The following IQCM variants were observed in gnomAD, a reference collection of about 807,000 sequenced individuals.
IQCM encodes the protein IQ motif containing M.
A neutral mutation model predicts 57.6 loss-of-function variants in IQCM; 45 were observed. The observed-to-expected ratio is 0.78, with a 90% CI of 0.62 to 1.00. The LOEUF (loss-of-function observed/expected upper bound fraction) is 1.00, where lower values mean the gene tolerates loss of function less well. IQCM is among the 50% of genes least tolerant of loss of function. The pLI, the probability that IQCM is intolerant of heterozygous loss-of-function variation, is 0.00. For missense variants in IQCM, 468 were observed against 511.6 expected (o/e 0.91, Z 0.82); for synonymous variants, 148 against 158.9 (o/e 0.93, Z 0.51).
In IQCM at chr4:149,505,726, G is replaced by A. The variant is rs138804713; in HGVS notation, c.1228+42729C>T. 2.1e-3 allele frequency among the ~76,000 whole-genome samples: 312 copies of A among 152,146 alleles called. 2 individuals are homozygous for A. Among genetic ancestry groups the A allele is most frequent in the Middle Eastern group, 0.014 (4 of 294 alleles). On this transcript the variant is annotated intron_variant, in intron 12 of 13. Coordinates refer to ENST00000636793, the MANE Select transcript of IQCM (RefSeq NM_001363507.2). ...AAATGCTGTTGTTATTTGTGAATGC[G>A]TTTGTTTTCCTTTTTTCTTTTCTCT...
intron 13 of IQCM, among the ~76,000 whole-genome samples, chr4:149,360,745 C>T (rs1729418284): frequency 1.3e-5 from 2 of 152,126 alleles, no homozygotes. Context: ...CCTGTAAATC[C>T]AATTAAACCT....
intron 5 of IQCM, among the ~76,000 whole-genome samples, chr4:149,687,241 T>C (rs1762609811): frequency 1.3e-5 from 2 of 151,540 alleles, no homozygotes; most frequent in South Asian, 4.1e-4. Context: ...TAGACTGAAT[T>C]ATGTAACGTA....
At chr4:149,554,345 C>A (rs771978352) in intron 10 of IQCM, among the ~76,000 whole-genome samples, 8 of 151,790 alleles carry the variant, frequency 5.3e-5, no homozygotes, top group Non-Finnish European at 7.4e-5. Context: ...GTGTTTTCAT[C>A]CTTTTTTTTT....
At chr4:149,742,628 C>T (rs1230074352) in intron 3 of IQCM, 27 bp downstream of exon 3, 1 of 1,215,920 alleles carries the variant, frequency 8.2e-7, no homozygotes, top group Non-Finnish European at 1.0e-6. Context: ...ATGACTTGTA[C>T]TATGTTAGGT....
intron 2 of IQCM, among the ~76,000 whole-genome samples, chr4:149,812,205 A>C (rs1321058721): frequency 6.6e-6 from 1 of 152,188 alleles, no homozygotes; most frequent in Non-Finnish European, 1.5e-5. Flanking sequence ...TGCTTCTTTT[A>C]ATTTGGAGCC....
At chr4:149,423,646 T>C (rs948764677) in intron 13 of IQCM, among the ~76,000 whole-genome samples, 6 of 152,074 alleles carry the variant, frequency 3.9e-5, no homozygotes, top group African/African-American at 1.4e-4. Context: ...GTGGTTGTTT[T>C]ACATCACTCA....
chr4:149,523,639 C>T (rs999315561), intron 12 of IQCM, among the ~76,000 whole-genome samples: 3 of 152,054 alleles, frequency 2.0e-5, no homozygotes, highest in Admixed American at 2.0e-4. Flanking sequence ...AATAATCATT[C>T]ACTGGAATAT....
intron 9 of IQCM, among the ~76,000 whole-genome samples, chr4:149,572,337 A>G (rs1421944781): frequency 2.0e-5 from 3 of 151,490 alleles, no homozygotes; most frequent in Non-Finnish European, 4.4e-5. Context: ...CCAAGGCTGG[A>G]GTGCAGTGGT....
chr4:149,534,712 T>G (rs1325881939), intron 12 of IQCM, among the ~76,000 whole-genome samples: 2 of 152,110 alleles, frequency 1.3e-5, no homozygotes, highest in Non-Finnish European at 2.9e-5. Flanking sequence ...CTTTTATAAG[T>G]CAGCATGGTT....
At chr4:149,653,108 A>T (rs1346218696) in intron 7 of IQCM, among the ~76,000 whole-genome samples, 1 of 152,204 alleles carries the variant, frequency 6.6e-6, no homozygotes, top group Non-Finnish European at 1.5e-5. Flanking sequence ...AAATCAATAA[A>T]GATCTTAACT....
intron 12 of IQCM, among the ~76,000 whole-genome samples, chr4:149,533,488 C>G (rs1333179980): frequency 6.6e-6 from 1 of 151,924 alleles, no homozygotes; most frequent in African/African-American, 2.4e-5. Context: ...AGTAGATAGC[C>G]TATTTGTATT....
At chr4:149,511,082 C>T (rs1485126413) in intron 12 of IQCM, among the ~76,000 whole-genome samples, 2 of 152,118 alleles carry the variant, frequency 1.3e-5, no homozygotes, top group African/African-American at 2.4e-5. Flanking sequence ...TAAGTTAAGT[C>T]CATAGAGGAT....
chr4:149,433,138 C>T (rs375398280), intron 13 of IQCM, among the ~76,000 whole-genome samples: 10 of 152,070 alleles, frequency 6.6e-5, no homozygotes, highest in East Asian at 3.9e-4. Flanking sequence ...CTGGTAGTAA[C>T]GCAAAAGTGA....
chr4:149,385,487 G>C (rs1384243028), intron 13 of IQCM, among the ~76,000 whole-genome samples: 3 of 152,160 alleles, frequency 2.0e-5, no homozygotes, highest in African/African-American at 7.2e-5. Context: ...AGTAAGTTAT[G>C]CCACTTTTGT....
chr4:149,511,803 G>A lies in IQCM; in HGVS notation c.1228+36652C>T, dbSNP rs140646316. On this transcript the variant is annotated intron_variant, in intron 12 of 13. Coordinates refer to ENST00000636793, the MANE Select transcript of IQCM (RefSeq NM_001363507.2). ...TAGTGCCTGTTGCATAATGTGTACT[G>A]AGTAAATATTTTATAAACAAATAAA... Among the ~76,000 whole-genome samples, 380 of 152,162 alleles carry A rather than the reference G, an allele frequency of 2.5e-3. 1 individual carries two copies. Among genetic ancestry groups the A allele is most frequent in the African/African-American group, 8.6e-3 (359 of 41,510 alleles).
chr4:149,579,351 G>T (rs919834274), intron 9 of IQCM, among the ~76,000 whole-genome samples: 4 of 151,820 alleles, frequency 2.6e-5, no homozygotes, highest in African/African-American at 7.2e-5. Flanking sequence ...AAAGCAGAAG[G>T]CCCCGATTTA....
chr4:149,430,532 C>T (rs1349270994), intron 13 of IQCM, among the ~76,000 whole-genome samples: 1 of 151,884 alleles, frequency 6.6e-6, no homozygotes, highest in Non-Finnish European at 1.5e-5. Context: ...CAGGTAGCCA[C>T]GGATTTGTTT....
At chr4:149,706,868 G>GT (rs1425650464) in intron 5 of IQCM, among the ~76,000 whole-genome samples, 1 of 151,926 alleles carries the variant, frequency 6.6e-6, no homozygotes, top group East Asian at 1.9e-4. Context: ...TGGTTAAATT[G>GT]TGAGTCTAAT....
chr4:149,683,271 C>T (rs911442464), intron 6 of IQCM, among the ~76,000 whole-genome samples: 2 of 151,028 alleles, frequency 1.3e-5, no homozygotes, highest in African/African-American at 4.8e-5. Flanking sequence ...TATTTGTGCA[C>T]CTGTATTTCC....
Sources: allele counts gnomAD v4.1 joint callset (sites outside exome capture counted in the v4.1 genomes callset), GRCh38; gene constraint gnomAD v4.1.1; transcripts MANE v1.5; gene names NCBI Gene and HGNC (gene_info 2026-07-23, HGNC 2026-07-21).